The following CELF2 variants were observed in gnomAD, a reference collection of about 807,000 sequenced individuals.
CELF2 encodes CUGBP Elav-like family member 2, also known as CUG triplet repeat RNA-binding protein 2.
Under a neutral mutation model 62.6 loss-of-function variants are expected in CELF2, and 8 were observed. The observed-to-expected ratio is 0.13, with a 90% confidence interval of 0.07 to 0.23. CELF2 has a LOEUF of 0.23. Ranked by LOEUF, CELF2 falls within the 10% of genes least tolerant of loss-of-function variation. CELF2 has a pLI of 1.00. For synonymous variants in CELF2, 258 were observed against 250.0 expected (o/e 1.03, Z -0.30); for missense variants, 333 against 671.0 (o/e 0.50, Z 5.56).
At chr10:10,705,649 C>G in the CELF2 span, among the ~76,000 whole-genome samples, 6 of 152,100 alleles carry the variant, frequency 3.9e-5, no homozygotes, top group East Asian at 1.9e-4. Context: ...ATCTTTCCCC[C>G]CAAAAGCTTC....
intron 1 of CELF2, among the ~76,000 whole-genome samples, chr10:11,154,974 T>C (rs959705538): frequency 1.1e-4 from 16 of 152,216 alleles, no homozygotes; most frequent in African/African-American, 3.6e-4. Flanking sequence ...AGTTGTTGCA[T>C]TGAATGACAG....
At chr10:10,976,577 T>C (rs1397602286) in intron 2 of CELF2, among the ~76,000 whole-genome samples, 3 of 152,210 alleles carry the variant, frequency 2.0e-5, no homozygotes, top group Non-Finnish European at 2.9e-5. Flanking sequence ...TTTTCTTGTC[T>C]TCCCCTTTCT....
intron 1 of CELF2, among the ~76,000 whole-genome samples, chr10:11,107,283 G>T (rs546646732): frequency 6.6e-6 from 1 of 152,206 alleles, no homozygotes; most frequent in Non-Finnish European, 1.5e-5. Flanking sequence ...CTCCTAGGGG[G>T]GCAGCTCCAG....
chr10:10,638,369 C>CCATT, the CELF2 span, among the ~76,000 whole-genome samples: 1 of 120,462 alleles, frequency 8.3e-6, no homozygotes, highest in Admixed American at 8.0e-5. Flanking sequence ...ATCCATCCAT[C>CCATT]CATTCATTCA....
chr10:10,510,327 G>A, the CELF2 span, among the ~76,000 whole-genome samples: 11 of 152,200 alleles, frequency 7.2e-5, no homozygotes, highest in Admixed American at 2.0e-4. Context: ...AGCCCTCTGT[G>A]CAACTAGCTT....
intron 1 of CELF2, among the ~76,000 whole-genome samples, chr10:11,056,940 A>G (rs1021959877): frequency 1.3e-5 from 2 of 152,234 alleles, no homozygotes; most frequent in African/African-American, 2.4e-5. Context: ...GCCATGTTCA[A>G]CCTTCTAACC....
chr10:10,549,125 AG>A, the CELF2 span, among the ~76,000 whole-genome samples: 12 of 152,214 alleles, frequency 7.9e-5, no homozygotes, highest in Admixed American at 7.2e-4. Flanking sequence ...TGGAGAGACA[AG>A]GGTAGCTAGA....
chr10:11,176,468 C>CA (rs1565103947), intron 2 of CELF2, among the ~76,000 whole-genome samples: 3 of 152,196 alleles, frequency 2.0e-5, no homozygotes, highest in Non-Finnish European at 2.9e-5. Context: ...ATAGTGTTAA[C>CA]CATCACAGGA....
At chr10:10,621,974 A>T in the CELF2 span, among the ~76,000 whole-genome samples, 2 of 152,188 alleles carry the variant, frequency 1.3e-5, no homozygotes, top group African/African-American at 2.4e-5. Context: ...GGAGTTTCTC[A>T]CATAGAGCCT....
chr10:10,635,313 G>T, the CELF2 span, among the ~76,000 whole-genome samples: 1 of 152,050 alleles, frequency 6.6e-6, no homozygotes, highest in Admixed American at 6.6e-5. Context: ...CCTGCAAAAA[G>T]AAATCCCTAT....
chr10:10,979,396 C>T (rs191512759), intron 2 of CELF2, among the ~76,000 whole-genome samples: 16 of 152,220 alleles, frequency 1.1e-4, no homozygotes, highest in East Asian at 9.7e-4. Context: ...AGAAGCCTGA[C>T]GCTGTGCCTC....
Position 11,253,732 on chromosome 10 carries a change from CTCA to C in CELF2, c.404-4001_404-3999del, listed in dbSNP as rs371824573. On this transcript the variant is annotated intron_variant, in intron 4 of 12. Transcript: ENST00000633077. The stretch of plus-strand genomic sequence containing the variant: ...CGTGTATTTAAAGTATTAACCCATT[CTCA>C]TCATATCATGGAAGGTAGACTTCAA... Among the ~76,000 whole-genome samples, 7 of 152,264 alleles carry C rather than the reference CTCA, an allele frequency of 4.6e-5. No individual in the cohort carries two copies. The East Asian group carries it at 9.6e-4, about 21-fold the overall frequency.
At chr10:11,002,275 G>A (rs755629394), upstream of CELF2, among the ~76,000 whole-genome samples, 4 of 152,122 alleles carry the variant, frequency 2.6e-5, no homozygotes, top group East Asian at 1.9e-4. This position sits in a 1 kb window ranked among gnomAD's most constrained non-coding sequence, Gnocchi z 4.4. Context: ...GGGGAAAACC[G>A]CCCCTGTGAT....
chr10:11,014,994 TTCATA>T (rs767563508), upstream of CELF2, among the ~76,000 whole-genome samples: 2 of 152,180 alleles, frequency 1.3e-5, no homozygotes, highest in Non-Finnish European at 2.9e-5. Flanking sequence ...CACCAACCGG[TTCATA>T]TCCACGGGTG....
At chr10:10,685,700 T>TA in the CELF2 span, among the ~76,000 whole-genome samples, 260 of 152,312 alleles carry the variant, frequency 1.7e-3, no homozygotes, top group African/African-American at 5.9e-3. Flanking sequence ...TTAGGGCTCC[T>TA]ACTGAGAAAG....
At chr10:10,942,739 A>C (rs1237695900) in intron 2 of CELF2, among the ~76,000 whole-genome samples, 1 of 152,226 alleles carries the variant, frequency 6.6e-6, no homozygotes, top group Non-Finnish European at 1.5e-5. Context: ...CTTTATACGC[A>C]GACTTGATTC....
the CELF2 span, among the ~76,000 whole-genome samples, chr10:10,580,528 C>T: frequency 3.3e-5 from 5 of 152,216 alleles, no homozygotes; most frequent in Middle Eastern, 3.4e-3. Flanking sequence ...CATTCTGACC[C>T]GGCACTAACC....
intron 2 of CELF2, among the ~76,000 whole-genome samples, chr10:11,206,826 C>T (rs1178523111): frequency 6.6e-6 from 1 of 152,190 alleles, no homozygotes; most frequent in Non-Finnish European, 1.5e-5. Context: ...AGTCAAGTGA[C>T]GTTTTCTCTA....
chr10:11,018,598 G>A (rs2057730268), intron 1 of CELF2, among the ~76,000 whole-genome samples: 1 of 150,078 alleles, frequency 6.7e-6, no homozygotes, highest in South Asian at 2.1e-4. Flanking sequence ...CGAGCCGGGC[G>A]CGGAGTCCCG....
Sources: gnomAD v4.1 joint callset for allele counts (sites outside exome capture counted in the v4.1 genomes callset) on GRCh38, gnomAD v4.1.1 for gene constraint, Gnocchi (gnomAD v3.1) non-coding constraint, MANE v1.5 for transcripts, NCBI Gene and HGNC (gene_info 2026-07-23, HGNC 2026-07-21) for gene names.